KIF11: variants seen among roughly 807,000 people sequenced by gnomAD.
KIF11 encodes kinesin family member 11.
KIF11 carries 9 observed loss-of-function variants against 121.0 expected under a neutral mutation model. That is an observed-to-expected ratio of 0.07 (90% CI 0.04 to 0.13). KIF11 has a LOEUF of 0.13. Among genes scored for constraint, KIF11 ranks in the 10% least tolerant of loss-of-function variants. The pLI is 1.00. For missense variants in KIF11, 846 were observed against 1,217.5 expected (o/e 0.69, Z 4.54); for synonymous variants, 408 against 421.0 (o/e 0.97, Z 0.38).
In KIF11 at chr10:92,606,356, T is replaced by A; in HGVS notation, c.169T>A (p.Leu57Met). Residue 57 changes from leucine (L) to methionine (M), a missense_variant, in exon 2 of 22, where the codon TTG (leucine) becomes ATG (methionine). Leu to Met is a conservative substitution (Grantham distance 15). Around this residue, in one of 5 missense-constraint regions of KIF11, gnomAD observed 140 missense variants for 193.5 expected, o/e 0.72. Transcript: ENST00000260731. ...RKEVSVRTGG[L>M]ADKSSRKTYT... ...AGAAGTTAGTGTACGAACTGGAGGA[T>A]TGGCTGACAAGAGCTCAAGGAAAAC... is the stretch of plus-strand genomic sequence containing the variant. 6.2e-7 allele frequency: 1 copy of A among 1,612,350 alleles called. No homozygotes were observed. Among genetic ancestry groups the A allele is most frequent in the South Asian group, 1.1e-5 (1 of 90,662 alleles).
chr10:92,644,422 TCTC>T (rs1300316223), intron 17 of KIF11, among the ~76,000 whole-genome samples: 1 of 151,884 alleles, frequency 6.6e-6, no homozygotes, highest in African/African-American at 2.4e-5. Flanking sequence ...GTCAACCAAT[TCTC>T]CTGCCTCACT....
intron 17 of KIF11, among the ~76,000 whole-genome samples, chr10:92,644,320 TG>T (rs1169646480): frequency 1.3e-5 from 2 of 152,140 alleles, no homozygotes; most frequent in Non-Finnish European, 2.9e-5. Context: ...GATTTTGTTT[TG>T]TTTTTTTTAT....
chr10:92,625,673 A>C (rs773335753), intron 10 of KIF11, among the ~76,000 whole-genome samples: 1 of 152,090 alleles, frequency 6.6e-6, no homozygotes, highest in South Asian at 2.1e-4. Flanking sequence ...TTATACTTAG[A>C]AAACCCCATA....
At chr10:92,640,557 G>A (rs1335797402) in intron 17 of KIF11, among the ~76,000 whole-genome samples, 3 of 152,042 alleles carry the variant, frequency 2.0e-5, no homozygotes, top group African/African-American at 4.8e-5. Context: ...TCAGCCTCCC[G>A]AGTAGCTGGG....
At chr10:92,614,370 T>C (rs1019972355) in intron 8 of KIF11, among the ~76,000 whole-genome samples, 1 of 152,204 alleles carries the variant, frequency 6.6e-6, no homozygotes, top group African/African-American at 2.4e-5. Flanking sequence ...GTTCTAGGAT[T>C]ACACGCGTGT....
chr10:92,594,499 T>C (rs1389500622), intron 1 of KIF11, among the ~76,000 whole-genome samples: 3 of 152,212 alleles, frequency 2.0e-5, no homozygotes, highest in Admixed American at 6.5e-5. Flanking sequence ...GCAGTGCATA[T>C]AACAAGTGCA....
rs1844899491 is a variant in KIF11, at chr10:92,644,552, C to T, written c.2268-811C>T. On this transcript the variant is annotated intron_variant, in intron 17 of 21. Transcript: ENST00000260731. ...CGGACTGGTCTCTAACTCCTGACCT[C>T]AGGTGATCCACCTGCCTCGGCCTCC... Among the ~76,000 whole-genome samples the T allele has an allele frequency of 5.9e-5, 9 of 152,338 alleles. No homozygotes were observed. The South Asian group carries it at 1.9e-3, about 32-fold the overall frequency.
intron 9 of KIF11, among the ~76,000 whole-genome samples, 192 bp downstream of exon 9, chr10:92,617,024 T>C (rs1844564548): frequency 6.6e-6 from 1 of 152,250 alleles, no homozygotes. Context: ...CTTTACCAAC[T>C]TTATCAACTG....
chr10:92,606,196 TA>T, intron 1 of KIF11, 68 bp from the exon 2 acceptor site: 1 of 1,419,970 alleles, frequency 7.0e-7, no homozygotes, highest in Non-Finnish European at 9.3e-7. Context: ...CAAATGTAGT[TA>T]GTGAAAATGT....
chr10:92,646,550 A>G (rs965244066), intron 18 of KIF11, among the ~76,000 whole-genome samples: 5 of 152,338 alleles, frequency 3.3e-5, no homozygotes, highest in Non-Finnish European at 7.4e-5. Flanking sequence ...TAGGAAATGT[A>G]TAATATATGA....
At chr10:92,615,475 T>G in intron 8 of KIF11, among the ~76,000 whole-genome samples, 1 of 152,166 alleles carries the variant, frequency 6.6e-6, no homozygotes, top group East Asian at 1.9e-4. Context: ...TGTTGAGATT[T>G]AATTCACATA....
chr10:92,633,812 A>G lies in KIF11; in HGVS notation c.1875+17A>G. The G allele has an allele frequency of 1.3e-6, 2 of 1,502,202 alleles. No homozygotes were observed. The highest frequency in any genetic ancestry group is 1.8e-6 in the Non-Finnish European group (2 of 1,097,352). The allele number at this position is 1,502,202 out of a possible 1,614,324, so 93.1% of individuals were successfully genotyped here. A position where few individuals can be genotyped will look rare whatever the true frequency, so the allele number is the denominator to read the frequency against. ...GAATTGATTGTTAGTACATCCTTTAAAATATTTTTGAAGGGTTGCATTTGA... is the reference window on the plus strand; with the variant it reads ...GAATTGATTGTTAGTACATCCTTTAGAATATTTTTGAAGGGTTGCATTTGA... On this transcript the variant is annotated intron_variant, in intron 14 of 21. Coordinates refer to ENST00000260731, the MANE Select transcript of KIF11 (RefSeq NM_004523.4).
intron 6 of KIF11, among the ~76,000 whole-genome samples, chr10:92,612,705 T>C (rs1243684180): frequency 2.0e-5 from 3 of 152,212 alleles, no homozygotes; most frequent in Admixed American, 2.0e-4. Context: ...ATGGTTCTTA[T>C]GAATAGAAGA....
At chr10:92,641,243 A>G (rs1429436049) in intron 17 of KIF11, among the ~76,000 whole-genome samples, 1 of 151,206 alleles carries the variant, frequency 6.6e-6, no homozygotes, top group East Asian at 1.9e-4. Flanking sequence ...CCTATTGAGT[A>G]TTCTATACTC....
chr10:92,627,623 CATTTGT>C (rs1844694406), intron 10 of KIF11, among the ~76,000 whole-genome samples: 1 of 151,446 alleles, frequency 6.6e-6, no homozygotes, highest in South Asian at 2.1e-4. Context: ...TGATATCTGT[CATTTGT>C]ATTTATTTTC....
In KIF11 at chr10:92,651,507, G is replaced by GTATTTTTTCTTTTT. The variant is rs1554863366; in HGVS notation, c.3039+991_3039+992insATTTTTTCTTTTTT. Among the ~76,000 whole-genome samples the GTATTTTTTCTTTTT allele has an allele frequency of 1.1e-4, 6 of 52,956 alleles. No individual in the cohort carries two copies. The East Asian group carries it at 2.8e-3, about 24-fold the overall frequency. The allele number at this position is 52,956 out of a possible 152,430, so 34.7% of individuals were successfully genotyped here. On this transcript the variant is annotated intron_variant, in intron 21 of 21. Coordinates refer to ENST00000260731, the MANE Select transcript of KIF11 (RefSeq NM_004523.4). ...TGTGCCACCATGCCTGGCTAATTTT[G>GTATTTTTTCTTTTT]TTTTTTTTTTTTTTTTTTTTTTTTT...
chr10:92,645,393 T>G lies in KIF11; in HGVS notation c.2298T>G (p.Thr766=), dbSNP rs2135923350. The G allele has an allele frequency of 6.2e-6, 10 of 1,612,562 alleles. No homozygotes were observed. The highest frequency in any genetic ancestry group is 7.6e-6 in the Non-Finnish European group (9 of 1,179,080). The change falls in exon 18 of 22, where the codon ACT becomes ACG. Residue 766 remains threonine (T), a synonymous_variant. Transcript: ENST00000260731. ...QKSKDIVNKM[T]FHSQKFCADS... is the part of the protein sequence containing the mutation. ...CTAAGGATATAGTCAACAAAATGAC[T>G]TTTCACAGTCAAAAATTTTGTGCTG...
In KIF11 at chr10:92,637,190, C is replaced by T; in HGVS notation, c.1882C>T (p.Leu628Phe). 2 of 1,586,746 alleles carry T rather than the reference C, an allele frequency of 1.3e-6. No homozygotes were observed. The highest frequency in any genetic ancestry group is 1.7e-6 in the Non-Finnish European group (2 of 1,172,888). The change falls in exon 15 of 22, where the codon CTC (leucine) becomes TTC (phenylalanine). Residue 628 changes from leucine (L) to phenylalanine (F), a missense_variant. Leu to Phe is a conservative substitution (Grantham distance 22). Coordinates refer to ENST00000260731, the MANE Select transcript of KIF11 (RefSeq NM_004523.4). ...TGTTTATTTCTGAAACCAGAATGTA[C>T]TCAAGACTGATCTTCTAAGTTCACT... ...KTVLQELINV[L>F]KTDLLSSLEM...
chr10:92,631,821 G>A (rs537247686), intron 12 of KIF11, among the ~76,000 whole-genome samples: 5 of 151,862 alleles, frequency 3.3e-5, no homozygotes, highest in East Asian at 1.9e-4. Context: ...GATTACAAGC[G>A]CCTGCCACCA....
Sources: gnomAD v4.1 joint callset for allele counts (sites outside exome capture counted in the v4.1 genomes callset) on GRCh38, gnomAD v4.1.1 for gene constraint, gnomAD v4.1.1 regional missense constraint, MANE v1.5 for transcripts, NCBI Gene and HGNC (gene_info 2026-07-23, HGNC 2026-07-21) for gene names.